ARHGEF12: variants seen among roughly 807,000 people sequenced by gnomAD.
ARHGEF12 encodes Rho guanine nucleotide exchange factor 12, also known as KMT2A/ARHGEF12 fusion protein.
Under a neutral mutation model 211.2 loss-of-function variants are expected in ARHGEF12, and 66 were observed. That is an observed-to-expected ratio of 0.31 (90% confidence interval 0.26 to 0.38). ARHGEF12 has a LOEUF of 0.38. ARHGEF12 is among the 10% of genes least tolerant of loss of function. The pLI is 1.00. For missense variants in ARHGEF12, 1,429 were observed against 1,869.5 expected, an observed-to-expected ratio of 0.76 and a Z score of 4.34; for synonymous variants, 592 against 638.4, an observed-to-expected ratio of 0.93 and a Z score of 1.09.
At chr11:120,352,111 C>G (rs1942997420) in intron 1 of ARHGEF12, among the ~76,000 whole-genome samples, 1 of 150,806 alleles carries the variant, frequency 6.6e-6, no homozygotes, top group Non-Finnish European at 1.5e-5. Context: ...AATTTAATAA[C>G]TACATCTTAT....
intron 11 of ARHGEF12, among the ~76,000 whole-genome samples, chr11:120,435,681 A>AT (rs1354787643): frequency 6.6e-6 from 1 of 151,134 alleles, no homozygotes; most frequent in East Asian, 2.0e-4. Flanking sequence ...TGCCCGGCTA[A>AT]TTTTTTTTGT....
chr11:120,469,241 T>C (rs1248174042), intron 29 of ARHGEF12, 47 bp from the exon 30 acceptor site: 4 of 1,423,936 alleles, frequency 2.8e-6, no homozygotes, highest in South Asian at 2.4e-5. Context: ...TATTTTATGG[T>C]TTTTTGCTCA....
At position 120,478,901 on chromosome 11, in the gene ARHGEF12, C is replaced by A. The variant is rs190946547; in HGVS notation, c.3766+512C>A. On this transcript the variant is annotated intron_variant, in intron 37 of 40. Coordinates refer to ENST00000397843, the MANE Select transcript of ARHGEF12 (RefSeq NM_015313.3). Reference sequence around the variant, plus strand: ...ATCAAATGCTTAAAATAATTGACTTCTTTGAATGTGAGGTCAAAGGAAAGG... The same window carrying A: ...ATCAAATGCTTAAAATAATTGACTTATTTGAATGTGAGGTCAAAGGAAAGG... Among the ~76,000 whole-genome samples the A allele has an allele frequency of 2.3e-4, 35 of 152,254 alleles. No homozygotes were observed. In the East Asian group the frequency reaches 6.0e-3, roughly 26 times the overall value.
At chr11:120,375,850 G>C (rs11217846) in intron 1 of ARHGEF12, among the ~76,000 whole-genome samples, 1 of 152,050 alleles carries the variant, frequency 6.6e-6, no homozygotes, top group Admixed American at 6.6e-5. Flanking sequence ...CAGTTTCTCA[G>C]ATTTTTCTTG....
intron 4 of ARHGEF12, chr11:120,411,531 T>C (rs1245805303): frequency 2.0e-5 from 3 of 150,966 alleles, no homozygotes; most frequent in African/African-American, 7.3e-5. Context: ...AGCTGAGTAC[T>C]TAACAAAAAT....
At chr11:120,457,559 G>A (rs1235301766) in intron 23 of ARHGEF12, 162 bp from the exon 24 acceptor site, 1 of 490,284 alleles carries the variant, frequency 2.0e-6, no homozygotes, top group Non-Finnish European at 3.4e-6. Context: ...ATGTAGAAAG[G>A]TACTCAAATT....
rs556669861 is a variant in ARHGEF12, at chr11:120,364,135, C to G, written c.32+26860C>G. Among the ~76,000 whole-genome samples, 225 of 152,176 alleles carry G rather than the reference C, an allele frequency of 1.5e-3. 4 individuals carry two copies. Among genetic ancestry groups the G allele is most frequent in the Non-Finnish European group, 1.5e-3 (100 of 68,014 alleles). On this transcript the variant is annotated intron_variant, in intron 1 of 40. Transcript: ENST00000397843. Reference sequence around the variant, plus strand: ...TTACTCACTTTTTTGTTCCCAATACCTGGAAGAAGATCGTCAGTCTGTAAA... The same window carrying G: ...TTACTCACTTTTTTGTTCCCAATACGTGGAAGAAGATCGTCAGTCTGTAAA...
chr11:120,452,534 A>G (rs1316353236), intron 22 of ARHGEF12, among the ~76,000 whole-genome samples: 1 of 152,194 alleles, frequency 6.6e-6, no homozygotes, highest in Non-Finnish European at 1.5e-5. Context: ...AGGAGTTTGA[A>G]TAGCTTAATA....
rs1555090022 is a variant in ARHGEF12, at chr11:120,347,179, C to CTTTCTTTCTTTCTTT, written c.32+9904_32+9905insTTTCTTTCTTTCTTT. On this transcript the variant is annotated intron_variant, in intron 1 of 40. Transcript: ENST00000397843. ...TCCTTCCTTCCTTCCTTCCTTCCTT[C>CTTTCTTTCTTTCTTT]CTTCCTTTCTTTCTTTCTTTCTTTC... Among the ~76,000 whole-genome samples the CTTTCTTTCTTTCTTT allele has an allele frequency of 7.3e-3, 694 of 95,270 alleles. 8 individuals are homozygous for CTTTCTTTCTTTCTTT. The highest frequency in any genetic ancestry group is 0.034 in the Middle Eastern group (6 of 176). 62.5% of individuals were successfully genotyped at this position (95,270 alleles called of 152,430 possible).
In ARHGEF12 at chr11:120,409,585, T is replaced by C. The variant is rs186452930; in HGVS notation, c.199+135T>C. The C allele has an allele frequency of 8.0e-5, 68 of 849,568 alleles. No individual in the cohort carries two copies. The African/African-American group carries it at 9.9e-4, about 12-fold the overall frequency. 52.6% of individuals were successfully genotyped at this position (849,568 alleles called of 1,614,324 possible). A position where few individuals can be genotyped will look rare whatever the true frequency, so the allele number is the denominator to read the frequency against. On this transcript the variant is annotated intron_variant, in intron 4 of 40. Coordinates refer to ENST00000397843, the MANE Select transcript of ARHGEF12 (RefSeq NM_015313.3). Reference sequence around the variant, plus strand: ...CTTGTGTCTGCTGTGCATGGCATGATCTACTGCAGGGAAAGGGAGCCTGGG... The same window carrying C: ...CTTGTGTCTGCTGTGCATGGCATGACCTACTGCAGGGAAAGGGAGCCTGGG...
chr11:120,478,476 C>T (rs1454006892), intron 37 of ARHGEF12, 87 bp downstream of exon 37: 3 of 1,209,802 alleles, frequency 2.5e-6, no homozygotes, highest in South Asian at 1.4e-5. Context: ...TATCAAACTC[C>T]ACTTATTCTT....
intron 1 of ARHGEF12, among the ~76,000 whole-genome samples, chr11:120,353,312 T>A (rs1470736023): frequency 6.6e-6 from 1 of 152,202 alleles, no homozygotes; most frequent in Non-Finnish European, 1.5e-5. Flanking sequence ...GGATCAATTA[T>A]CACAGTCGCA....
At chr11:120,376,885 A>G (rs1465369800) in intron 1 of ARHGEF12, among the ~76,000 whole-genome samples, 3 of 152,218 alleles carry the variant, frequency 2.0e-5, no homozygotes, top group Non-Finnish European at 4.4e-5. Flanking sequence ...GAATGAGAGC[A>G]TGTGAAGTTT....
chr11:120,442,765 C>T (rs1945919142), intron 15 of ARHGEF12, among the ~76,000 whole-genome samples: 1 of 152,072 alleles, frequency 6.6e-6, no homozygotes, highest in Admixed American at 6.6e-5. Context: ...GCCCTTAATG[C>T]ATACTGGATA....
chr11:120,465,438 G>C, intron 28 of ARHGEF12, 76 bp downstream of exon 28: 1 of 1,565,146 alleles, frequency 6.4e-7, no homozygotes, highest in East Asian at 2.3e-5. Flanking sequence ...GGGGAATTCT[G>C]ACTAAGACTT....
At chr11:120,409,570 C>T (rs1156831249) in intron 4 of ARHGEF12, 120 bp downstream of exon 4, 17 of 985,664 alleles carry the variant, frequency 1.7e-5, no homozygotes, top group Non-Finnish European at 4.6e-6. Context: ...CTTGTGTCTG[C>T]TGTGCATGGC....
chr11:120,414,196 G>A (rs1944963698), intron 4 of ARHGEF12, among the ~76,000 whole-genome samples: 1 of 152,138 alleles, frequency 6.6e-6, no homozygotes, highest in South Asian at 2.1e-4. Flanking sequence ...ATGAGATGAA[G>A]CATGATATCA....
At chr11:120,381,525 T>A (rs1223972020) in intron 1 of ARHGEF12, among the ~76,000 whole-genome samples, 1 of 152,224 alleles carries the variant, frequency 6.6e-6, no homozygotes, top group Non-Finnish European at 1.5e-5. Context: ...TTCCAAAGTT[T>A]GTTAGGTAAG....
At chr11:120,354,954 G>A (rs1260471558) in intron 1 of ARHGEF12, among the ~76,000 whole-genome samples, 1 of 152,098 alleles carries the variant, frequency 6.6e-6, no homozygotes, top group Non-Finnish European at 1.5e-5. Context: ...CTCCCCGTGG[G>A]GTAAAGGTCT....
Sources: allele counts gnomAD v4.1 joint callset (sites outside exome capture counted in the v4.1 genomes callset), GRCh38; gene constraint gnomAD v4.1.1; transcripts MANE v1.5; gene names NCBI Gene and HGNC (gene_info 2026-07-23, HGNC 2026-07-21).